Variants in PRNP observed in about 807,000 individuals in gnomAD.
The protein encoded by PRNP is prion protein (Kanno blood group).
Under a neutral mutation model 21.3 loss-of-function variants are expected in PRNP, and 15 were observed. That is an observed-to-expected ratio of 0.71 (90% CI 0.47 to 1.09). The LOEUF (loss-of-function observed/expected upper bound fraction) is 1.09. PRNP is among the 50% of genes least tolerant of loss of function. The pLI is 0.00. For missense variants in PRNP, 285 were observed against 340.9 expected (o/e 0.84, Z 1.29); for synonymous variants, 121 against 123.1 (o/e 0.98, Z 0.11).
At position 4,686,963 on chromosome 20, in the gene PRNP, C is replaced by T. The variant is rs1018944040; in HGVS notation, c.-11+451C>T. ...GGGGCCGCGGGGCTCGCGCTCCCCG[C>T]CCGTTGGCCGCCCCTCGGAGGCCGA... On this transcript the variant is annotated intron_variant, in intron 1 of 1. Transcript: ENST00000379440. This position sits in a 1 kb window ranked among gnomAD's most constrained non-coding sequence, Gnocchi z 6.7. 2.0e-5 allele frequency among the ~76,000 whole-genome samples: 3 copies of T among 151,600 alleles called. No individual in the cohort carries two copies. In the East Asian group the frequency reaches 5.9e-4, roughly 30 times the overall value.
rs187416531 is a variant in PRNP, at chr20:4,700,353, G to C, written c.*371G>C. 16 of 414,996 alleles carry C rather than the reference G, an allele frequency of 3.9e-5. No homozygotes were observed. The highest frequency in any genetic ancestry group is 4.8e-5 in the Non-Finnish European group (10 of 209,976). 25.7% of individuals were successfully genotyped at this position (414,996 alleles called of 1,614,324 possible). A position where few individuals can be genotyped will look rare whatever the true frequency, so the allele number is the denominator to read the frequency against. ...ATACCTCTGGCTCCTTCAGCAGCTA[G>C]AGCTCAGTATACTAATGCCCTATCT... On this transcript the variant is annotated 3_prime_UTR_variant, in exon 2 of 2. Transcript: ENST00000379440. The surrounding 1 kb of genome is among the most constrained non-coding windows in gnomAD (Gnocchi z 4.1).
At chr20:4,691,205 T>C (rs1921806754) in intron 1 of PRNP, among the ~76,000 whole-genome samples, 1 of 152,200 alleles carries the variant, frequency 6.6e-6, no homozygotes, top group South Asian at 2.1e-4. Flanking sequence ...GGATAATTAA[T>C]GTTGTTAAAA....
At position 4,699,935 on chromosome 20, in the gene PRNP, C is replaced by T. The variant is rs1191139947; in HGVS notation, c.715C>T (p.Pro239Ser). 4 of 1,613,870 alleles carry T rather than the reference C, an allele frequency of 2.5e-6. No homozygotes were observed. In the South Asian group the frequency reaches 3.3e-5, roughly 13 times the overall value. Residue 239 changes from proline (P) to serine (S), a missense_variant, in exon 2 of 2, where the codon CCT becomes TCT. Pro to Ser is a moderately conservative substitution (Grantham distance 74, BLOSUM62 -1). Transcript: ENST00000379440. The surrounding 1 kb of genome is among the most constrained non-coding windows in gnomAD (Gnocchi z 5.8). The stretch of plus-strand genomic sequence containing the variant: ...GAGCATGGTCCTCTTCTCCTCTCCA[C>T]CTGTGATCCTCCTGATCTCTTTCCT... ...GSSMVLFSSP[P>S]VILLISFLIF...
chr20:4,695,240 G>T (rs6116473), intron 1 of PRNP, among the ~76,000 whole-genome samples: 1 of 151,912 alleles, frequency 6.6e-6, no homozygotes, highest in Admixed American at 6.6e-5. Context: ...TCATCACTCA[G>T]GTACTAAGCC....
intron 1 of PRNP, among the ~76,000 whole-genome samples, chr20:4,692,093 A>G (rs1208086506): frequency 5.3e-5 from 8 of 152,208 alleles, no homozygotes; most frequent in African/African-American, 1.9e-4. Context: ...TTGAATTCTG[A>G]CTGAAATTGT....
At chr20:4,695,078 T>C (rs1290200952) in intron 1 of PRNP, among the ~76,000 whole-genome samples, 10 of 152,222 alleles carry the variant, frequency 6.6e-5, no homozygotes, top group Non-Finnish European at 1.0e-4. Context: ...TTGTGTACTC[T>C]TTCTATTAAC....
In PRNP at chr20:4,699,766, C is replaced by G. The variant is rs753015009; in HGVS notation, c.546C>G (p.Ile182Met). The change falls in exon 2 of 2, where the codon ATC becomes ATG. Residue 182 changes from isoleucine (I) to methionine (M), a missense_variant. Ile to Met is a conservative substitution (Grantham distance 10). Transcript: ENST00000379440. This position sits in a 1 kb window ranked among gnomAD's most constrained non-coding sequence, Gnocchi z 5.8. ...ACTTTGTGCACGACTGCGTCAATAT[C>G]ACAATCAAGCAGCACACGGTCACCA... ...QNNFVHDCVNITIKQHTVTTT... is the reference protein window; with the variant it reads ...QNNFVHDCVNMTIKQHTVTTT... The G allele has an allele frequency of 4.3e-6, 7 of 1,613,924 alleles. No individual in the cohort carries two copies. The African/African-American group carries it at 8.0e-5, about 18-fold the overall frequency.
At chr20:4,691,255 T>C (rs1969057501) in intron 1 of PRNP, among the ~76,000 whole-genome samples, 1 of 152,082 alleles carries the variant, frequency 6.6e-6, no homozygotes, top group African/African-American at 2.4e-5. Context: ...TTCCATAGAA[T>C]CCCTATCAAA....
intron 1 of PRNP, among the ~76,000 whole-genome samples, chr20:4,692,957 A>G (rs1435532373): frequency 6.6e-6 from 1 of 152,098 alleles, no homozygotes; most frequent in African/African-American, 2.4e-5. Flanking sequence ...GTTTATCTCT[A>G]CTGAGTTACA....
intron 1 of PRNP, among the ~76,000 whole-genome samples, chr20:4,695,200 G>A (rs1024649470): frequency 2.6e-5 from 4 of 151,718 alleles, no homozygotes; most frequent in South Asian, 2.1e-4. Context: ...AGGTAAACTC[G>A]TGTCATGGGG....
Position 4,697,139 on chromosome 20 carries a change from C to G in PRNP, c.-10-2072C>G, listed in dbSNP as rs148060500. Among the ~76,000 whole-genome samples the G allele has an allele frequency of 2.1e-3, 327 of 152,278 alleles. 1 individual carries two copies. The highest frequency in any genetic ancestry group is 7.2e-3 in the African/African-American group (298 of 41,558). On this transcript the variant is annotated intron_variant, in intron 1 of 1. Coordinates refer to ENST00000379440, the MANE Select transcript of PRNP (RefSeq NM_000311.5). This position sits in a 1 kb window ranked among gnomAD's most constrained non-coding sequence, Gnocchi z 4.6. Reference sequence around the variant, plus strand: ...AACTGAATTGAAAATGTTAGCTGGCCATTGTCAAAAATACTATTTTGTAAA... The same window carrying G: ...AACTGAATTGAAAATGTTAGCTGGCGATTGTCAAAAATACTATTTTGTAAA...
intron 1 of PRNP, among the ~76,000 whole-genome samples, chr20:4,695,351 A>G (rs1390799712): frequency 6.6e-6 from 1 of 151,960 alleles, no homozygotes; most frequent in Non-Finnish European, 1.5e-5. Context: ...TGTTCTTATC[A>G]TTTAGGTCCC....
chr20:4,689,015 T>C (rs1373819553), intron 1 of PRNP, among the ~76,000 whole-genome samples: 5 of 152,230 alleles, frequency 3.3e-5, no homozygotes, highest in African/African-American at 1.2e-4. Context: ...CGTTGTTTCC[T>C]TTTTCAAATA....
At chr20:4,694,017 G>A (rs1922002214) in intron 1 of PRNP, among the ~76,000 whole-genome samples, 1 of 151,020 alleles carries the variant, frequency 6.6e-6, no homozygotes, top group Non-Finnish European at 1.5e-5. Flanking sequence ...TGAGCCCACT[G>A]GGTGGAGGTT....
chr20:4,700,208 C>A lies in PRNP; in HGVS notation c.*226C>A. The A allele has an allele frequency of 7.2e-7, 1 of 1,391,466 alleles. No individual in the cohort carries two copies. The highest frequency in any genetic ancestry group is 9.9e-7 in the Non-Finnish European group (1 of 1,008,064). The allele number at this position is 1,391,466 out of a possible 1,614,324, so 86.2% of individuals were successfully genotyped here. A position where few individuals can be genotyped will look rare whatever the true frequency, so the allele number is the denominator to read the frequency against. ...AGTTCATCATGAGCCGTTGCTAATG[C>A]CAGGCCAGTAAAAGTATAACAGCAA... On this transcript the variant is annotated 3_prime_UTR_variant, in exon 2 of 2. Transcript: ENST00000379440. This position sits in a 1 kb window ranked among gnomAD's most constrained non-coding sequence, Gnocchi z 4.1.
In PRNP at chr20:4,700,127, T is replaced by C; in HGVS notation, c.*145T>C. The C allele has an allele frequency of 6.5e-7, 1 of 1,549,164 alleles. No homozygotes were observed. Among genetic ancestry groups the C allele is most frequent in the South Asian group, 1.2e-5 (1 of 83,196 alleles). Reference sequence around the variant, plus strand: ...GGCTAATCAATACCCTTGGCACTGATGGGCACTGGAAAACATAGAGTAGAC... The same window carrying C: ...GGCTAATCAATACCCTTGGCACTGACGGGCACTGGAAAACATAGAGTAGAC... On this transcript the variant is annotated 3_prime_UTR_variant, in exon 2 of 2. Coordinates refer to ENST00000379440, the MANE Select transcript of PRNP (RefSeq NM_000311.5). This position sits in a 1 kb window ranked among gnomAD's most constrained non-coding sequence, Gnocchi z 4.1.
intron 1 of PRNP, among the ~76,000 whole-genome samples, chr20:4,695,939 T>C (rs1191576586): frequency 6.6e-6 from 1 of 152,206 alleles, no homozygotes; most frequent in Admixed American, 6.5e-5. Flanking sequence ...TCAGCACACA[T>C]CAAGTCCCTG....
chr20:4,698,831 T>G (rs1922335670), intron 1 of PRNP, among the ~76,000 whole-genome samples: 1 of 152,196 alleles, frequency 6.6e-6, no homozygotes, highest in Non-Finnish European at 1.5e-5. Context: ...ATCTTTAATT[T>G]GAAAAGAGAT....
Position 4,700,417 on chromosome 20 carries a change from T to G in PRNP, c.*435T>G. The G allele has an allele frequency of 3.1e-6, 1 of 324,578 alleles. No individual in the cohort carries two copies. The highest frequency in any genetic ancestry group is 6.3e-6 in the Non-Finnish European group (1 of 157,948). 20.1% of individuals were successfully genotyped at this position (324,578 alleles called of 1,614,324 possible). ...ATAGCTATTTAGAGATATTTTCCAT[T>G]TTAAGAAAACCCGACAACATTTCTG... On this transcript the variant is annotated 3_prime_UTR_variant, in exon 2 of 2. Coordinates refer to ENST00000379440, the MANE Select transcript of PRNP (RefSeq NM_000311.5). The surrounding 1 kb of genome is among the most constrained non-coding windows in gnomAD (Gnocchi z 4.1).
Sources: gnomAD v4.1 joint callset for allele counts (sites outside exome capture counted in the v4.1 genomes callset) on GRCh38, gnomAD v4.1.1 for gene constraint, Gnocchi (gnomAD v3.1) non-coding constraint, MANE v1.5 for transcripts, NCBI Gene and HGNC (gene_info 2026-07-23, HGNC 2026-07-21) for gene names.